Variants in NTSR1 observed in about 807,000 individuals in gnomAD.
NTSR1 encodes the protein neurotensin receptor 1.
In NTSR1, 29 loss-of-function variants were observed where a neutral mutation model predicts 31.2. The observed-to-expected ratio is 0.93, with a 90% CI of 0.69 to 1.27. The LOEUF is 1.27. Among genes scored for constraint, NTSR1 ranks in the 50% most tolerant of loss-of-function variants. The probability of loss-of-function intolerance (pLI) is 0.00; values close to 1 mark genes in which losing one functional copy is unlikely to be tolerated. For missense variants in NTSR1, 697 were observed against 595.4 expected, an observed-to-expected ratio of 1.17 and a Z score of -1.78; for synonymous variants, 282 against 269.9, an observed-to-expected ratio of 1.04 and a Z score of -0.44.
Position 62,715,703 on chromosome 20 carries a change from C to T in NTSR1, c.714+5782C>T, listed in dbSNP as rs1172729928. On this transcript the variant is annotated intron_variant, in intron 1 of 3. Transcript: ENST00000370501. This position sits in a 1 kb window ranked among gnomAD's most constrained non-coding sequence, Gnocchi z 4.7. ...GTTCAACTCCAAGGACAAATGGGGTCCTGGGGCTGTGCCTGCAGTTCTGTG... is the reference window on the plus strand; with the variant it reads ...GTTCAACTCCAAGGACAAATGGGGTTCTGGGGCTGTGCCTGCAGTTCTGTG... 6.6e-6 allele frequency among the ~76,000 whole-genome samples: 1 copy of T among 152,208 alleles called. No individual in the cohort carries two copies. The highest frequency in any genetic ancestry group is 2.4e-5 in the African/African-American group (1 of 41,458).
chr20:62,735,686 G>C (rs926936411), intron 1 of NTSR1, among the ~76,000 whole-genome samples: 13 of 152,192 alleles, frequency 8.5e-5, no homozygotes, highest in African/African-American at 2.9e-4. Flanking sequence ...CCCTGGCTTG[G>C]GGGGTGGGTA....
intron 3 of NTSR1, among the ~76,000 whole-genome samples, chr20:62,759,785 A>AG: frequency 6.6e-6 from 1 of 150,648 alleles, no homozygotes; most frequent in African/African-American, 2.4e-5. Flanking sequence ...AAAAAAAAAA[A>AG]AAAAGCAGCA....
At chr20:62,754,108 G>C (rs553668431) in intron 1 of NTSR1, among the ~76,000 whole-genome samples, 46 of 152,324 alleles carry the variant, frequency 3.0e-4, no homozygotes, top group African/African-American at 9.6e-4. Flanking sequence ...GGTGGGGAGT[G>C]GGGGCTCCAG....
chr20:62,743,127 G>A lies in NTSR1; in HGVS notation c.715-11558G>A, dbSNP rs1459848809. Among the ~76,000 whole-genome samples the A allele has an allele frequency of 6.7e-6, 1 of 149,390 alleles. No individual in the cohort carries two copies. The highest frequency in any genetic ancestry group is 2.5e-5 in the African/African-American group (1 of 39,938). On this transcript the variant is annotated intron_variant, in intron 1 of 3. Coordinates refer to ENST00000370501, the MANE Select transcript of NTSR1 (RefSeq NM_002531.3). This position sits in a 1 kb window ranked among gnomAD's most constrained non-coding sequence, Gnocchi z 7.5. ...GGGAGGGGAGCACGGAGCCGCCCCT[G>A]CTGGACACGTATCCCGGCCATCTCA...
intron 1 of NTSR1, among the ~76,000 whole-genome samples, chr20:62,728,704 G>T (rs901331596): frequency 6.6e-6 from 1 of 152,088 alleles, no homozygotes; most frequent in Non-Finnish European, 1.5e-5. Context: ...ACTGAGTCGC[G>T]AAGGGCAGGC....
At chr20:62,730,669 T>C (rs1384957520) in intron 1 of NTSR1, among the ~76,000 whole-genome samples, 1 of 152,232 alleles carries the variant, frequency 6.6e-6, no homozygotes, top group Admixed American at 6.5e-5. Context: ...CAAAGTGCCT[T>C]CCAGCACGGC....
Position 62,709,662 on chromosome 20 carries a change from C to T in NTSR1, c.455C>T (p.Thr152Ile), listed in dbSNP as rs142405528. The change falls in exon 1 of 4, where the codon ACC becomes ATC. Residue 152 changes from threonine (T) to isoleucine (I), a missense_variant. Transcript: ENST00000370501. ...RGYYFLRDACTYATALNVASL... is the reference protein window; with the variant it reads ...RGYYFLRDACIYATALNVASL... ...TACTACTTCCTGCGCGACGCCTGCA[C>T]CTACGCCACGGCCCTCAACGTGGCC... 5.6e-6 allele frequency: 9 copies of T among 1,612,586 alleles called. No individual in the cohort carries two copies. The East Asian group carries it at 6.7e-5, about 12-fold the overall frequency.
chr20:62,712,866 G>T (rs1988643222), intron 1 of NTSR1, among the ~76,000 whole-genome samples: 1 of 152,216 alleles, frequency 6.6e-6, no homozygotes, highest in South Asian at 2.1e-4. Context: ...CACGATCTGT[G>T]TGGCAGGGCT....
chr20:62,755,806 T>C (rs1476614116), intron 2 of NTSR1, among the ~76,000 whole-genome samples: 2 of 5,812 alleles, frequency 3.4e-4, no homozygotes, highest in Non-Finnish European at 3.0e-4. Flanking sequence ...ATCCCTCCCT[T>C]CAGCCATCCT....
Position 62,745,906 on chromosome 20 carries a change from G to A in NTSR1, c.715-8779G>A, listed in dbSNP as rs769489545. On this transcript the variant is annotated intron_variant, in intron 1 of 3. Transcript: ENST00000370501. The surrounding 1 kb of genome is among the most constrained non-coding windows in gnomAD (Gnocchi z 4.1). Reference sequence around the variant, plus strand: ...CAGGTGACTCCCTGCTCTCTTTAGAGACAAATCGAAAGGCGCCAGGGTGCT... The same window carrying A: ...CAGGTGACTCCCTGCTCTCTTTAGAAACAAATCGAAAGGCGCCAGGGTGCT... 1.3e-5 allele frequency among the ~76,000 whole-genome samples: 2 copies of A among 152,222 alleles called. No individual in the cohort carries two copies. Among genetic ancestry groups the A allele is most frequent in the Non-Finnish European group, 2.9e-5 (2 of 68,042 alleles).
chr20:62,754,925 C>T, intron 2 of NTSR1, 39 bp downstream of exon 2: 3 of 1,530,968 alleles, frequency 2.0e-6, no homozygotes, highest in Non-Finnish European at 2.6e-6. Context: ...GGGAGGCAGG[C>T]CAGGGCTAGC....
chr20:62,720,060 G>A (rs1029254161), intron 1 of NTSR1, among the ~76,000 whole-genome samples: 3 of 152,184 alleles, frequency 2.0e-5, no homozygotes, highest in South Asian at 4.1e-4. Flanking sequence ...AGCACCGTGG[G>A]AGGCCAAGGA....
chr20:62,709,128 C>A lies in NTSR1; in HGVS notation c.-80C>A, dbSNP rs1365531553. ...TCCCCTGGGCTCCCGTTCATCGGTC[C>A]CCGCCTGAGACGCGCCCACTCCTGC... On this transcript the variant is annotated 5_prime_UTR_variant, in exon 1 of 4. Coordinates refer to ENST00000370501, the MANE Select transcript of NTSR1 (RefSeq NM_002531.3). 1 of 1,192,448 alleles carries A rather than the reference C, an allele frequency of 8.4e-7. No individual in the cohort carries two copies. Among genetic ancestry groups the A allele is most frequent in the Admixed American group, 3.9e-5 (1 of 25,336 alleles). The allele number at this position is 1,192,448 out of a possible 1,614,324, so 73.9% of individuals were successfully genotyped here.
Position 62,710,064 on chromosome 20 carries a change from T to G in NTSR1, c.714+143T>G, listed in dbSNP as rs1383971347. On this transcript the variant is annotated intron_variant, in intron 1 of 3. Coordinates refer to ENST00000370501, the MANE Select transcript of NTSR1 (RefSeq NM_002531.3). ...AGGCTGGGAAGGCGGTTGGGGCAGC[T>G]TGGGGGCAGCTCCAGAGTTGCCAGG... is the stretch of plus-strand genomic sequence containing the variant. 6 of 714,730 alleles carry G rather than the reference T, an allele frequency of 8.4e-6. No individual in the cohort carries two copies. The African/African-American group carries it at 1.1e-4, about 13-fold the overall frequency. The allele number at this position is 714,730 out of a possible 1,614,324, so 44.3% of individuals were successfully genotyped here. A position where few individuals can be genotyped will look rare whatever the true frequency, so the allele number is the denominator to read the frequency against.
intron 1 of NTSR1, among the ~76,000 whole-genome samples, chr20:62,716,728 C>T (rs995518408): frequency 2.6e-5 from 4 of 152,216 alleles, no homozygotes; most frequent in South Asian, 2.1e-4. Flanking sequence ...CTCCCCTGGA[C>T]GGCCATGAAG....
At chr20:62,729,258 G>T (rs192309502) in intron 1 of NTSR1, among the ~76,000 whole-genome samples, 1 of 152,232 alleles carries the variant, frequency 6.6e-6, no homozygotes, top group Non-Finnish European at 1.5e-5. Context: ...AGGGCAGGGT[G>T]GGGAGAGAGT....
chr20:62,754,040 G>A (rs1197383328), intron 1 of NTSR1, among the ~76,000 whole-genome samples: 5 of 152,322 alleles, frequency 3.3e-5, no homozygotes, highest in South Asian at 4.1e-4. Flanking sequence ...TCCAGGACTC[G>A]GATCAGGTGC....
At chr20:62,718,347 G>T (rs527283326) in intron 1 of NTSR1, among the ~76,000 whole-genome samples, 1 of 152,146 alleles carries the variant, frequency 6.6e-6, no homozygotes, top group African/African-American at 2.4e-5. Context: ...AGGCCAGGGT[G>T]GGGGTGGAGA....
In NTSR1 at chr20:62,760,044, T is replaced by A; in HGVS notation, c.1034T>A (p.Phe345Tyr). Residue 345 changes from phenylalanine (F) to tyrosine (Y), a missense_variant, in exon 4 of 4, where the codon TTC becomes TAC. Coordinates refer to ENST00000370501, the MANE Select transcript of NTSR1 (RefSeq NM_002531.3). ...TPFLYDFYHY[F>Y]YMVTNALFYV... ...TTCCTCTATGACTTCTACCACTACTTCTACATGGTGACCAACGCACTCTTC... is the reference window on the plus strand; with the variant it reads ...TTCCTCTATGACTTCTACCACTACTACTACATGGTGACCAACGCACTCTTC... 6 of 1,614,040 alleles carry A rather than the reference T, an allele frequency of 3.7e-6. No individual in the cohort carries two copies. Among genetic ancestry groups the A allele is most frequent in the Non-Finnish European group, 4.2e-6 (5 of 1,180,000 alleles).
Sources: gnomAD v4.1 joint callset for allele counts (sites outside exome capture counted in the v4.1 genomes callset) on GRCh38, gnomAD v4.1.1 for gene constraint, Gnocchi (gnomAD v3.1) non-coding constraint, MANE v1.5 for transcripts, NCBI Gene and HGNC (gene_info 2026-07-23, HGNC 2026-07-21) for gene names.